The following ZC4H2 variants were observed in gnomAD, a reference collection of about 807,000 sequenced individuals.
ZC4H2 encodes zinc finger C4H2-type containing, also known as zinc finger C4H2 domain-containing protein.
For synonymous variants in ZC4H2, 84 were observed against 66.3 expected (o/e 1.27, Z -1.30); for missense variants, 137 against 173.9 (o/e 0.79, Z 1.19).
chrX:64,935,247 C>A (rs902940193), intron 1 of ZC4H2, among the ~76,000 whole-genome samples: 24 of 111,855 alleles, frequency 2.1e-4, no homozygotes, highest in African/African-American at 7.8e-4. Context: ...GGCAGCTCAG[C>A]AAGTTTGCTG....
intron 1 of ZC4H2, among the ~76,000 whole-genome samples, chrX:65,003,352 T>G (rs1932588185): frequency 9.0e-6 from 1 of 110,629 alleles, no homozygotes; most frequent in African/African-American, 3.3e-5. Flanking sequence ...AATCAAACAC[T>G]AACAACACAA....
At chrX:64,963,131 C>A (rs1226000310) in intron 1 of ZC4H2, among the ~76,000 whole-genome samples, 1 of 111,301 alleles carries the variant, frequency 9.0e-6, no homozygotes, top group Non-Finnish European at 1.9e-5. Context: ...ATGAATCCAC[C>A]CACATACAGT....
At chrX:65,008,394 A>G (rs1932702753) in intron 1 of ZC4H2, among the ~76,000 whole-genome samples, 1 of 111,993 alleles carries the variant, frequency 8.9e-6, no homozygotes, top group South Asian at 3.7e-4. Flanking sequence ...CACTATGGAG[A>G]ACAATATGCA....
At chrX:64,994,820 C>G (rs991597419) in intron 1 of ZC4H2, among the ~76,000 whole-genome samples, 9 of 110,651 alleles carry the variant, frequency 8.1e-5, no homozygotes, top group Non-Finnish European at 1.5e-4. Flanking sequence ...CCTTCTTCCA[C>G]AAAAAGAATT....
intron 1 of ZC4H2, among the ~76,000 whole-genome samples, chrX:65,021,337 C>A (rs1293618294): frequency 9.0e-6 from 1 of 111,185 alleles, no homozygotes; most frequent in Non-Finnish European, 1.9e-5. Context: ...ATCCACAGTA[C>A]AATCAAATTA....
At chrX:64,951,846 C>T (rs1181771315) in intron 1 of ZC4H2, among the ~76,000 whole-genome samples, 29 of 111,158 alleles carry the variant, frequency 2.6e-4, no homozygotes, top group Non-Finnish European at 1.1e-4. Flanking sequence ...TGCCATTGCT[C>T]TTGGTGTTTT....
At chrX:65,020,780 G>C (rs1932830844) in intron 1 of ZC4H2, among the ~76,000 whole-genome samples, 1 of 111,740 alleles carries the variant, frequency 8.9e-6, no homozygotes, top group Non-Finnish European at 1.9e-5. Flanking sequence ...GCTGTACTCA[G>C]GAGCCCCATC....
chrX:64,968,024 T>C (rs1364670380), intron 1 of ZC4H2, among the ~76,000 whole-genome samples: 3 of 111,481 alleles, frequency 2.7e-5, no homozygotes, highest in African/African-American at 9.8e-5. Flanking sequence ...TTACCATGGG[T>C]GGCAAGGATT....
chrX:64,943,989 T>C (rs368795232), intron 1 of ZC4H2, among the ~76,000 whole-genome samples: 10 of 110,988 alleles, frequency 9.0e-5, no homozygotes, highest in African/African-American at 3.0e-4. Context: ...CTTCCATATT[T>C]ATTGCTTCCT....
intron 1 of ZC4H2, among the ~76,000 whole-genome samples, chrX:64,956,923 AG>A (rs1931182070): frequency 8.9e-6 from 1 of 112,381 alleles, no homozygotes; most frequent in African/African-American, 3.2e-5. Flanking sequence ...CAATGGTGAT[AG>A]TGACATCAAT....
At position 64,916,965 on chromosome X, in the gene ZC4H2, C is replaced by T. The variant is rs1928961779; in HGVS notation, c.*818G>A. On this transcript the variant is annotated 3_prime_UTR_variant, in exon 5 of 5. Transcript: ENST00000374839. ...AACAAAAGCCAACACAGATGTCAGC[C>T]TGGGGGCACTCTCAGCCTAAGGAAG... 8.9e-6 allele frequency: 1 copy of T among 112,340 alleles called. No homozygotes were observed. The highest frequency in any genetic ancestry group is 1.9e-5 in the Non-Finnish European group (1 of 53,261). The allele number at this position is 112,340 out of a possible 1,213,427, so 9.3% of individuals were successfully genotyped here.
rs185503218 is a variant in ZC4H2, at chrX:64,918,947, G to A, written c.561+95C>T. ...GCAAAGGCCATTAAAAGAAGGCCCA[G>A]CATAAATAAAGCCAAAGACCCAGAA... On this transcript the variant is annotated intron_variant, in intron 4 of 4. Transcript: ENST00000374839. 93 of 1,045,497 alleles carry A rather than the reference G, an allele frequency of 8.9e-5. No individual in the cohort carries two copies. The African/African-American group carries it at 1.7e-3, about 19-fold the overall frequency. The allele number at this position is 1,045,497 out of a possible 1,213,427, so 86.2% of individuals were successfully genotyped here.
intron 1 of ZC4H2, among the ~76,000 whole-genome samples, chrX:64,960,446 G>A (rs1462038935): frequency 1.8e-5 from 2 of 110,989 alleles, no homozygotes; most frequent in Non-Finnish European, 3.8e-5. Flanking sequence ...CACCCAAAGG[G>A]GACAGTGATC....
chrX:64,989,271 T>C (rs1398239999), intron 1 of ZC4H2, among the ~76,000 whole-genome samples: 1 of 112,185 alleles, frequency 8.9e-6, no homozygotes, highest in Non-Finnish European at 1.9e-5. Flanking sequence ...CATTGGTAGC[T>C]TGATGGGGAT....
chrX:65,006,734 T>G (rs1056314330), intron 1 of ZC4H2, among the ~76,000 whole-genome samples: 1 of 112,023 alleles, frequency 8.9e-6, no homozygotes, highest in Admixed American at 9.4e-5. Flanking sequence ...TTTTTCAACT[T>G]CATTATAATC....
intron 1 of ZC4H2, among the ~76,000 whole-genome samples, chrX:65,005,791 T>A (rs1237658648): frequency 1.8e-5 from 2 of 108,218 alleles, no homozygotes; most frequent in African/African-American, 6.8e-5. Flanking sequence ...AATGGGAGAG[T>A]ATTTTTGCAA....
chrX:64,953,835 T>C (rs760262163), intron 1 of ZC4H2, among the ~76,000 whole-genome samples: 1 of 111,592 alleles, frequency 9.0e-6, no homozygotes, highest in Admixed American at 9.6e-5. Flanking sequence ...CCCAAAGGAC[T>C]ATAAATCACG....
intron 1 of ZC4H2, among the ~76,000 whole-genome samples, chrX:64,937,272 C>A (rs1023231420): frequency 7.2e-5 from 8 of 111,004 alleles, no homozygotes; most frequent in African/African-American, 2.6e-4. Context: ...TACAGGAACA[C>A]CCAGATTCAT....
intron 1 of ZC4H2, among the ~76,000 whole-genome samples, chrX:64,946,949 G>A (rs1192815593): frequency 9.0e-6 from 1 of 110,847 alleles, no homozygotes; most frequent in African/African-American, 3.3e-5. Context: ...ATTGTTTTAA[G>A]GCATCTCTTC....
Sources: allele counts gnomAD v4.1 joint callset (sites outside exome capture counted in the v4.1 genomes callset), GRCh38; gene constraint gnomAD v4.1.1; transcripts MANE v1.5; gene names NCBI Gene and HGNC (gene_info 2026-07-23, HGNC 2026-07-21).